The following CSNK1G3 variants were observed in gnomAD, a reference collection of about 807,000 sequenced individuals.
The protein encoded by CSNK1G3 is casein kinase I isoform gamma-3.
In CSNK1G3, 23 loss-of-function variants were observed where a neutral mutation model predicts 64.3. The ratio of observed to expected loss-of-function variants is 0.36; its 90% confidence interval spans 0.26 to 0.51. The LOEUF (loss-of-function observed/expected upper bound fraction) is 0.51. Among genes scored for constraint, CSNK1G3 ranks in the 20% least tolerant of loss-of-function variants. CSNK1G3 has a pLI of 0.96. For missense variants in CSNK1G3, 357 were observed against 510.5 expected, an observed-to-expected ratio of 0.70 and a Z score of 2.90; for synonymous variants, 158 against 162.2, an observed-to-expected ratio of 0.97 and a Z score of 0.20.
At chr5:123,586,901 G>A (rs1476647475) in intron 6 of CSNK1G3, among the ~76,000 whole-genome samples, 1 of 152,182 alleles carries the variant, frequency 6.6e-6, no homozygotes, top group Admixed American at 6.5e-5. Context: ...CAGAAGGCAA[G>A]GAGGAGCAAG....
intron 2 of CSNK1G3, 198 bp downstream of exon 2, chr5:123,546,039 T>G (rs1782460749): frequency 1.9e-6 from 1 of 515,284 alleles, no homozygotes; most frequent in Non-Finnish European, 3.5e-6. Context: ...AGTGTCTACT[T>G]TAGCCATCCA....
At chr5:123,543,674 T>G (rs142079232) in intron 1 of CSNK1G3, among the ~76,000 whole-genome samples, 1,789 of 152,262 alleles carry the variant, frequency 0.012, 41 homozygotes, top group African/African-American at 0.04. Context: ...TGGATGAAGG[T>G]GCGACTCACC....
rs1010088170 is a variant in CSNK1G3 at position 123,545,558 on chromosome 5, T to C, written c.-106T>C. On this transcript the variant is annotated 5_prime_UTR_variant, in exon 2 of 13. Transcript: ENST00000345990. ...CCTACTGCAATTTGAATGTTAACAT[T>C]ACCCATCTGGTACAGTTACCTAGTG... The C allele has an allele frequency of 4.9e-6, 4 of 821,292 alleles. No individual in the cohort carries two copies. In the Admixed American group the frequency reaches 1.1e-4, roughly 24 times the overall value. 50.9% of individuals were successfully genotyped at this position (821,292 alleles called of 1,614,324 possible). A position where few individuals can be genotyped will look rare whatever the true frequency, so the allele number is the denominator to read the frequency against.
intron 2 of CSNK1G3, 123 bp from the exon 3 acceptor site, chr5:123,552,984 A>G: frequency 3.9e-6 from 2 of 507,082 alleles, no homozygotes; most frequent in South Asian, 3.3e-5. Flanking sequence ...TTTTTTGCCA[A>G]ATAGAAGCAA....
rs907498417 is a variant in CSNK1G3 at position 123,565,899 on chromosome 5, G to C, written c.290-7494G>C. Among the ~76,000 whole-genome samples the C allele has an allele frequency of 3.3e-4, 51 of 152,252 alleles. 1 individual carries two copies. The highest frequency in any genetic ancestry group is 7.8e-4 in the Admixed American group (12 of 15,296). ...ATGAGGGATCTGCCCCATTGACCCAGTTAACTCCCATCAGGCCCCACCTTC... is the reference window on the plus strand; with the variant it reads ...ATGAGGGATCTGCCCCATTGACCCACTTAACTCCCATCAGGCCCCACCTTC... On this transcript the variant is annotated intron_variant, in intron 4 of 12. Coordinates refer to ENST00000345990, the Ensembl canonical transcript of CSNK1G3.
intron 4 of CSNK1G3, among the ~76,000 whole-genome samples, chr5:123,558,752 A>G (rs1365819920): frequency 6.6e-6 from 1 of 152,208 alleles, no homozygotes; most frequent in Admixed American, 6.6e-5. Flanking sequence ...ACTGGGATTT[A>G]AAGGCTATTG....
At chr5:123,565,598 T>G (rs967170638) in intron 4 of CSNK1G3, among the ~76,000 whole-genome samples, 3 of 152,212 alleles carry the variant, frequency 2.0e-5, no homozygotes, top group Admixed American at 2.0e-4. Context: ...GCTGTTCTTG[T>G]GTTGCTATAA....
chr5:123,604,680 G>A (rs1795040864), intron 10 of CSNK1G3, 44 bp from the exon 12 acceptor site: 3 of 949,004 alleles, frequency 3.2e-6, no homozygotes, highest in Non-Finnish European at 5.0e-6. Context: ...TTATGAGCAT[G>A]TGTGTGTACA....
intron 4 of CSNK1G3, among the ~76,000 whole-genome samples, chr5:123,566,140 G>T (rs1786823782): frequency 6.6e-6 from 1 of 152,142 alleles, no homozygotes; most frequent in South Asian, 2.1e-4. Flanking sequence ...GTACCAAGCA[G>T]TCTTTAATAG....
intron 12 of CSNK1G3, among the ~76,000 whole-genome samples, chr5:123,605,980 C>T (rs1012834829): frequency 2.0e-4 from 31 of 152,092 alleles, no homozygotes; most frequent in African/African-American, 7.5e-4. Context: ...TAATACTGTG[C>T]TTAAAATGCT....
chr5:123,538,293 G>T (rs1781156610), intron 1 of CSNK1G3, among the ~76,000 whole-genome samples: 1 of 152,042 alleles, frequency 6.6e-6, no homozygotes, highest in Admixed American at 6.6e-5. Flanking sequence ...ACTCCCACCA[G>T]CACTTTTTTG....
At chr5:123,559,092 T>C (rs1785173965) in intron 4 of CSNK1G3, among the ~76,000 whole-genome samples, 1 of 152,216 alleles carries the variant, frequency 6.6e-6, no homozygotes. Context: ...GACTAAATCT[T>C]ACTGCCTTAT....
At chr5:123,552,113 T>C in intron 2 of CSNK1G3, among the ~76,000 whole-genome samples, 1 of 152,076 alleles carries the variant, frequency 6.6e-6, no homozygotes. Context: ...ATTTTAAATA[T>C]TTTATGTAAT....
intron 1 of CSNK1G3, among the ~76,000 whole-genome samples, chr5:123,522,005 A>G (rs1421483797): frequency 1.3e-5 from 2 of 152,184 alleles, no homozygotes; most frequent in African/African-American, 2.4e-5. Context: ...GAAAATAACT[A>G]ATTTCTCCTT....
chr5:123,595,359 A>G (rs994396401), intron 10 of CSNK1G3, among the ~76,000 whole-genome samples: 3 of 152,170 alleles, frequency 2.0e-5, no homozygotes, highest in Non-Finnish European at 4.4e-5. Context: ...TTTTGCAACT[A>G]TATGCTACAA....
intron 1 of CSNK1G3, among the ~76,000 whole-genome samples, chr5:123,526,016 G>A (rs1410989666): frequency 6.7e-6 from 1 of 148,230 alleles, no homozygotes; most frequent in African/African-American, 2.5e-5. Flanking sequence ...AAAAAAAAAA[G>A]TAGAAATACT....
At chr5:123,568,698 T>G (rs560981917) in intron 4 of CSNK1G3, among the ~76,000 whole-genome samples, 2 of 152,194 alleles carry the variant, frequency 1.3e-5, no homozygotes, top group African/African-American at 4.8e-5. Context: ...TCTTCAAGGC[T>G]CTTGTCTCCT....
chr5:123,586,386 G>A (rs539954459), intron 6 of CSNK1G3, among the ~76,000 whole-genome samples: 3 of 152,260 alleles, frequency 2.0e-5, no homozygotes, highest in Admixed American at 6.5e-5. Flanking sequence ...TCAGGACTAC[G>A]AGAATCTAAT....
At chr5:123,523,111 AG>A (rs1433524781) in intron 1 of CSNK1G3, among the ~76,000 whole-genome samples, 1 of 150,954 alleles carries the variant, frequency 6.6e-6, no homozygotes, top group African/African-American at 2.5e-5. Flanking sequence ...TCAGGATGGA[AG>A]GGACTTCAAA....
Sources: gnomAD v4.1 joint callset for allele counts (sites outside exome capture counted in the v4.1 genomes callset) on GRCh38, gnomAD v4.1.1 for gene constraint, MANE v1.5 for transcripts, NCBI Gene and HGNC (gene_info 2026-07-23, HGNC 2026-07-21) for gene names.